DIDO1: variants seen among roughly 807,000 people sequenced by gnomAD.
DIDO1 encodes the protein death inducer-obliterator 1.
In DIDO1, 16 loss-of-function variants were observed where a neutral mutation model predicts 99.4. The observed-to-expected ratio is 0.16, with a 90% CI of 0.11 to 0.24. The LOEUF (loss-of-function observed/expected upper bound fraction) is 0.24. DIDO1 is among the 10% of genes least tolerant of loss of function. The pLI is 1.00. For synonymous variants in DIDO1, 1,366 were observed against 1,239.1 expected (o/e 1.10, Z -2.15); for missense variants, 2,996 against 3,014.0 (o/e 0.99, Z 0.14).
At chr20:62,893,302 T>C (rs1453641854) in intron 12 of DIDO1, among the ~76,000 whole-genome samples, 1 of 152,214 alleles carries the variant, frequency 6.6e-6, no homozygotes, top group Non-Finnish European at 1.5e-5. Flanking sequence ...TGTGCCCGGC[T>C]TCAAGAGTAC....
At position 62,879,747 on chromosome 20, in the gene DIDO1, A is replaced by T; in HGVS notation, c.6209T>A (p.Phe2070Tyr). 1 of 1,611,354 alleles carries T rather than the reference A, an allele frequency of 6.2e-7. No individual in the cohort carries two copies. The highest frequency in any genetic ancestry group is 8.5e-7 in the Non-Finnish European group (1 of 1,179,720). ...EADGQWASAD[F>Y]REGKGHEYRN... ...GTATTCGTGGCCTTTCCCCTCTCGG[A>T]AGTCGGCCGATGCCCACTGTCCGTC... The change falls in exon 16 of 16, where the codon TTC (phenylalanine) becomes TAC (tyrosine). Residue 2070 changes from phenylalanine to tyrosine, a missense_variant. Physicochemically the swap from Phe to Tyr is conservative, Grantham distance 22. Transcript: ENST00000395343. The surrounding 1 kb of genome is among the most constrained non-coding windows in gnomAD (Gnocchi z 6.3).
chr20:62,880,232 AG>A lies in DIDO1; in HGVS notation c.5723del (p.Pro1908LeufsTer111). The A allele has an allele frequency of 6.2e-7, 1 of 1,612,000 alleles. No individual in the cohort carries two copies. Among genetic ancestry groups the A allele is most frequent in the Non-Finnish European group, 8.5e-7 (1 of 1,179,762 alleles). On this transcript the variant is annotated frameshift_variant, in exon 16 of 16. Transcript: ENST00000395343. LOFTEE classifies it low-confidence loss of function (END_TRUNC). ...CTCTCTGACCTCCAAACTGAGAGGGAGGGGGGCCGCCTCGGGGGCCTTTCAG... is the reference window on the plus strand; with the variant it reads ...CTCTCTGACCTCCAAACTGAGAGGGAGGGGGCCGCCTCGGGGGCCTTTCAG... ...SQLKGPRGGP[P>X]PSQFGGQRGP... is the part of the protein sequence containing the mutation.
rs1267239693 is a variant in DIDO1, at chr20:62,880,886, C to T, written c.5070G>A (p.Ser1690=). Reference sequence around the variant, plus strand: ...GGGCTGAGCCGAGAGCCTTGTCCTGCGACGCGAACCCCGGGCAGGTGAAAG... The same window carrying T: ...GGGCTGAGCCGAGAGCCTTGTCCTGTGACGCGAACCCCGGGCAGGTGAAAG... ...RDPFTCPGFA[S]QDKALGSAQY... is the part of the protein sequence containing the mutation. The change falls in exon 16 of 16, where the codon TCG becomes TCA. Residue 1690 remains serine, a synonymous_variant. Transcript: ENST00000395343. 1.2e-6 allele frequency: 2 copies of T among 1,612,106 alleles called. No homozygotes were observed. The highest frequency in any genetic ancestry group is 2.2e-5 in the East Asian group (1 of 44,862).
intron 1 of DIDO1, among the ~76,000 whole-genome samples, chr20:62,925,825 C>T (rs1017955092): frequency 1.3e-5 from 2 of 152,164 alleles, no homozygotes; most frequent in African/African-American, 4.8e-5. Flanking sequence ...CAAACTATTC[C>T]ACAAAAAAAC....
intron 1 of DIDO1, among the ~76,000 whole-genome samples, chr20:62,925,270 C>G (rs765625248): frequency 7.9e-5 from 12 of 152,322 alleles, no homozygotes; most frequent in Non-Finnish European, 1.8e-4. Flanking sequence ...TGCTGTATCC[C>G]TCGTGCTAAC....
chr20:62,886,158 A>AAGCAACCAGGGGCCGGGGCTCAGG (rs778570167), intron 15 of DIDO1, among the ~76,000 whole-genome samples: 5 of 152,216 alleles, frequency 3.3e-5, no homozygotes, highest in African/African-American at 1.2e-4. Context: ...TCAGTTCATA[A>AAGCAACCAGGGGCCGGGGCTCAGG]AGCAACCAGG....
At chr20:62,908,871 A>C (rs1289447662) in intron 4 of DIDO1, among the ~76,000 whole-genome samples, 1 of 152,202 alleles carries the variant, frequency 6.6e-6, no homozygotes, top group East Asian at 1.9e-4. Context: ...CAAAAAACAG[A>C]ATCAATATAT....
intron 3 of DIDO1, 23 bp from the exon 4 acceptor site, chr20:62,910,043 T>C: frequency 6.3e-7 from 1 of 1,594,420 alleles, no homozygotes; most frequent in Non-Finnish European, 8.5e-7. Flanking sequence ...AATAACGGTA[T>C]TAGCAATGGG....
chr20:62,879,328 C>T lies in DIDO1; in HGVS notation c.6628G>A (p.Asp2210Asn). The T allele has an allele frequency of 6.4e-7, 1 of 1,559,668 alleles. No individual in the cohort carries two copies. The highest frequency in any genetic ancestry group is 8.7e-7 in the Non-Finnish European group (1 of 1,154,362). ...DKARDRERGR[D>N]RKDRSKSKES... is the part of the protein sequence containing the mutation. The stretch of plus-strand genomic sequence containing the variant: ...TTGCTCTTGCTCCGGTCCTTGCGGT[C>T]GCGGCCCCGCTCCCTGTCCCTGGCC... The change falls in exon 16 of 16, where the codon GAC becomes AAC. Residue 2210 changes from aspartate (D) to asparagine (N), a missense_variant. Physicochemically the swap from Asp to Asn is conservative, Grantham distance 23. Coordinates refer to ENST00000395343, the MANE Select transcript of DIDO1 (RefSeq NM_001193369.2). The surrounding 1 kb of genome is among the most constrained non-coding windows in gnomAD (Gnocchi z 6.3).
At chr20:62,906,691 C>T (rs1472048257) in intron 5 of DIDO1, among the ~76,000 whole-genome samples, 4 of 112,470 alleles carry the variant, frequency 3.6e-5, no homozygotes, top group South Asian at 2.8e-4. Context: ...CAAGAGTTTG[C>T]GATCTCTAAA....
At chr20:62,904,505 C>G (rs191024492) in intron 6 of DIDO1, among the ~76,000 whole-genome samples, 5 of 152,176 alleles carry the variant, frequency 3.3e-5, no homozygotes, top group South Asian at 4.1e-4. Flanking sequence ...TTTAGCCAAG[C>G]GCTGTGGCTC....
rs757184367 is a variant in DIDO1 at position 62,882,165 on chromosome 20, G to T, written c.3791C>A (p.Pro1264Gln). Residue 1264 changes from proline (P) to glutamine (Q), a missense_variant, in exon 16 of 16, where the codon CCG (proline) becomes CAG (glutamine). Physicochemically the swap from Pro to Gln is moderately conservative, Grantham distance 76. Transcript: ENST00000395343. ...CACCGGTGGTTCTGGAAGAGGGGGC[G>T]GAGGCGGCGGCGACCCAGGAGGTGT... ...STTPPGSPPP[P>Q]PPLPEPPVLK... is the part of the protein sequence containing the mutation. 6.2e-7 allele frequency: 1 copy of T among 1,613,212 alleles called. No homozygotes were observed. The highest frequency in any genetic ancestry group is 1.7e-5 in the Admixed American group (1 of 60,016).
Position 62,879,253 on chromosome 20 carries a change from C to T in DIDO1, c.6703G>A (p.Gly2235Ser). Residue 2235 changes from glycine (G) to serine (S), a missense_variant, in exon 16 of 16, where the codon GGC (glycine) becomes AGC (serine). This residue lies in a region of DIDO1 where 1,562 missense variants were observed against 1,412.6 expected (regional missense o/e 1.11). Coordinates refer to ENST00000395343, the MANE Select transcript of DIDO1 (RefSeq NM_001193369.2). The surrounding 1 kb of genome is among the most constrained non-coding windows in gnomAD (Gnocchi z 6.3). ...KPEASRASDA[G>S]TASQA is the part of the protein sequence containing the mutation. ...GGCGTCTAGGCCTGCGAGGCGGTGCCAGCGTCGGAGGCCCTCGAGGCCTCG... is the reference window on the plus strand; with the variant it reads ...GGCGTCTAGGCCTGCGAGGCGGTGCTAGCGTCGGAGGCCCTCGAGGCCTCG... 1 of 1,541,968 alleles carries T rather than the reference C, an allele frequency of 6.5e-7. No homozygotes were observed. The highest frequency in any genetic ancestry group is 1.7e-4 in the Middle Eastern group (1 of 5,838).
At chr20:62,908,421 A>G (rs1396861233) in intron 4 of DIDO1, among the ~76,000 whole-genome samples, 1 of 152,178 alleles carries the variant, frequency 6.6e-6, no homozygotes, top group African/African-American at 2.4e-5. Flanking sequence ...TCCCATGGAA[A>G]TGGAGGCATA....
rs958134610 is a variant in DIDO1, at chr20:62,879,147, C to A, written c.*86G>T. On this transcript the variant is annotated 3_prime_UTR_variant, in exon 16 of 16. Coordinates refer to ENST00000395343, the MANE Select transcript of DIDO1 (RefSeq NM_001193369.2). This position sits in a 1 kb window ranked among gnomAD's most constrained non-coding sequence, Gnocchi z 6.3. ...AAGTCCAGAATATTCTATCCTGAAT[C>A]TAAGATCGTGGCTATTTCAAAAGCT... 1.1e-5 allele frequency: 14 copies of A among 1,248,524 alleles called. No individual in the cohort carries two copies. Among genetic ancestry groups the A allele is most frequent in the African/African-American group, 1.6e-5 (1 of 64,206 alleles). 77.3% of individuals were successfully genotyped at this position (1,248,524 alleles called of 1,614,324 possible). A position where few individuals can be genotyped will look rare whatever the true frequency, so the allele number is the denominator to read the frequency against.
intron 14 of DIDO1, 27 bp from the exon 15 acceptor site, chr20:62,891,182 A>C (rs1482155135): frequency 6.2e-7 from 1 of 1,612,558 alleles, no homozygotes. Flanking sequence ...GGAAGCACTC[A>C]TAAAGAAAAT....
intron 6 of DIDO1, chr20:62,904,883 GC>G (rs2064766857): frequency 1.5e-6 from 1 of 682,568 alleles, no homozygotes. Flanking sequence ...TAGGGAATCT[GC>G]TCAAAGTCTG....
intron 15 of DIDO1, among the ~76,000 whole-genome samples, chr20:62,885,056 T>C (rs894455351): frequency 2.0e-5 from 3 of 152,210 alleles, no homozygotes; most frequent in Admixed American, 1.3e-4. Flanking sequence ...CAAATCCACT[T>C]TTCGGGTATG....
In DIDO1 at chr20:62,880,968, G is replaced by A. The variant is rs961570859; in HGVS notation, c.4988C>T (p.Pro1663Leu). The part of the protein sequence containing the change: ...RPARRVLLPT[P>L]PCGALQPGFP... ...GCCGGGCTGCAGGGCGCCGCAAGGCGGTGTGGGCAGCAGCACCCTCCGGGC... is the reference window on the plus strand; with the variant it reads ...GCCGGGCTGCAGGGCGCCGCAAGGCAGTGTGGGCAGCAGCACCCTCCGGGC... The change falls in exon 16 of 16, where the codon CCG becomes CTG. Residue 1663 changes from proline (P) to leucine (L), a missense_variant. Around this residue, in one of 5 missense-constraint regions of DIDO1, gnomAD observed 1,562 missense variants for 1,412.6 expected, o/e 1.11. Coordinates refer to ENST00000395343, the MANE Select transcript of DIDO1 (RefSeq NM_001193369.2). The A allele has an allele frequency of 1.2e-6, 2 of 1,606,568 alleles. No individual in the cohort carries two copies. The highest frequency in any genetic ancestry group is 1.3e-5 in the African/African-American group (1 of 75,046).
Sources: gnomAD v4.1 joint callset for allele counts (sites outside exome capture counted in the v4.1 genomes callset) on GRCh38, gnomAD v4.1.1 for gene constraint, gnomAD v4.1.1 regional missense constraint, Gnocchi (gnomAD v3.1) non-coding constraint, MANE v1.5 for transcripts, NCBI Gene and HGNC (gene_info 2026-07-23, HGNC 2026-07-21) for gene names.